Variants in MKS1 observed in about 807,000 individuals in gnomAD.
MKS1 encodes tectonic-like complex member MKS1.
A neutral mutation model predicts 83.7 loss-of-function variants in MKS1; 70 were observed. That is an observed-to-expected ratio of 0.84 (90% confidence interval 0.69 to 1.02). The LOEUF (loss-of-function observed/expected upper bound fraction) is 1.02, where lower values mean the gene tolerates loss of function less well. MKS1 is among the 50% of genes least tolerant of loss of function. The pLI is 0.00. For missense variants in MKS1, 681 were observed against 726.9 expected, an observed-to-expected ratio of 0.94 and a Z score of 0.73; for synonymous variants, 251 against 273.4, an observed-to-expected ratio of 0.92 and a Z score of 0.81.
chr17:58,205,982 C>A lies in MKS1; in HGVS notation c.*97G>T, dbSNP rs550885201. 2 of 1,540,446 alleles carry A rather than the reference C, an allele frequency of 1.3e-6. No homozygotes were observed. The highest frequency in any genetic ancestry group is 1.7e-6 in the Non-Finnish European group (2 of 1,146,122). On this transcript the variant is annotated 3_prime_UTR_variant, in exon 18 of 18. Transcript: ENST00000393119. ...GCTTTTCTGGTTCTCAGCAGACCAA[C>A]GTGGTCTCTAATCAGAAAGACGAAG... is the stretch of plus-strand genomic sequence containing the variant.
Position 58,205,864 on chromosome 17 carries a change from AGGG to A in MKS1, c.*212_*214del, listed in dbSNP as rs1031066249. 7.0e-7 allele frequency: 1 copy of A among 1,434,998 alleles called. No homozygotes were observed. The highest frequency in any genetic ancestry group is 9.2e-7 in the Non-Finnish European group (1 of 1,090,960). 88.9% of individuals were successfully genotyped at this position (1,434,998 alleles called of 1,614,324 possible). A position where few individuals can be genotyped will look rare whatever the true frequency, so the allele number is the denominator to read the frequency against. ...CCATTGACAGTGGCTGCAAATATAA[AGGG>A]GGGGCCACAGGGTCTCTGGCTTTAT... On this transcript the variant is annotated 3_prime_UTR_variant, in exon 18 of 18. Transcript: ENST00000393119.
intron 4 of MKS1, chr17:58,215,839 A>T (rs1465518167): frequency 2.0e-6 from 1 of 504,370 alleles, no homozygotes; most frequent in Non-Finnish European, 3.6e-6. Flanking sequence ...CTCTGCAAGC[A>T]TATAATCAGA....
chr17:58,215,728 C>T (rs888053735), intron 4 of MKS1: 1 of 309,252 alleles, frequency 3.2e-6, no homozygotes. Context: ...GGGCTGAATC[C>T]CCTGATGAAT....
rs749099410 is a variant in MKS1 at position 58,207,907 on chromosome 17, C to T, written c.1260G>A (p.Leu420=). Residue 420 remains leucine, a synonymous_variant, in exon 14 of 18, where the codon CTG becomes CTA. Coordinates refer to ENST00000393119, the MANE Select transcript of MKS1 (RefSeq NM_017777.4). The part of the protein sequence containing the change: ...YRVEGYGAVV[L]PATPGSHTLT... ...ACGAGCGGTTACCTGGAGTGGCAGG[C>T]AGCACCACAGCCCCATAGCCTTCCA... The T allele has an allele frequency of 1.2e-4, 200 of 1,613,312 alleles. No individual in the cohort carries two copies. Among genetic ancestry groups the T allele is most frequent in the Non-Finnish European group, 1.7e-4 (196 of 1,179,850 alleles).
intron 15 of MKS1, chr17:58,206,872 A>G: frequency 1.5e-6 from 1 of 674,492 alleles, no homozygotes; most frequent in Non-Finnish European, 2.5e-6. Context: ...GAAATCTCTA[A>G]TTATACTATT....
rs1567792651 is a variant in MKS1 at position 58,205,542 on chromosome 17, C to T, written c.*537G>A. ...GCTAGCAGAAAGGACTCAGCACTGC[C>T]TTCAGCCTTCACTTACTCAGAAATA... On this transcript the variant is annotated 3_prime_UTR_variant, in exon 18 of 18. Coordinates refer to ENST00000393119, the MANE Select transcript of MKS1 (RefSeq NM_017777.4). 3 of 1,304,448 alleles carry T rather than the reference C, an allele frequency of 2.3e-6. No homozygotes were observed. Among genetic ancestry groups the T allele is most frequent in the Non-Finnish European group, 3.0e-6 (3 of 989,110 alleles). 80.8% of individuals were successfully genotyped at this position (1,304,448 alleles called of 1,614,324 possible).
chr17:58,215,838 C>T, intron 4 of MKS1: 1 of 501,362 alleles, frequency 2.0e-6, no homozygotes, highest in South Asian at 2.0e-5. Context: ...ACTCTGCAAG[C>T]ATATAATCAG....
chr17:58,206,437 C>T (rs771972684), intron 16 of MKS1, 28 bp downstream of exon 16: 2 of 1,614,042 alleles, frequency 1.2e-6, no homozygotes, highest in East Asian at 2.2e-5. Flanking sequence ...GGCTAAGGTG[C>T]CCTGAGGCAG....
intron 6 of MKS1, 130 bp downstream of exon 6, chr17:58,214,129 T>C: frequency 7.2e-7 from 1 of 1,388,574 alleles, no homozygotes; most frequent in South Asian, 1.2e-5. Flanking sequence ...GCTTCACTCA[T>C]AACTAAGAAG....
At position 58,205,507 on chromosome 17, in the gene MKS1, A is replaced by G. The variant is rs879402131; in HGVS notation, c.*572T>C. 4 of 1,281,160 alleles carry G rather than the reference A, an allele frequency of 3.1e-6. No homozygotes were observed. Among genetic ancestry groups the G allele is most frequent in the Non-Finnish European group, 4.1e-6 (4 of 980,860 alleles). The allele number at this position is 1,281,160 out of a possible 1,614,324, so 79.4% of individuals were successfully genotyped here. The stretch of plus-strand genomic sequence containing the variant: ...AACAAACAAAAAAACACAGTAAAAG[A>G]TACCACCCAGCTAGCAGAAAGGACT... On this transcript the variant is annotated 3_prime_UTR_variant, in exon 18 of 18. Transcript: ENST00000393119.
At position 58,219,155 on chromosome 17, in the gene MKS1, G is replaced by A. The variant is rs901426602; in HGVS notation, c.76C>T (p.Leu26Phe). Residue 26 changes from leucine to phenylalanine, a missense_variant, in exon 1 of 18, where the codon CTC (leucine) becomes TTC (phenylalanine). Physicochemically the swap from Leu to Phe is conservative, Grantham distance 22. Coordinates refer to ENST00000393119, the MANE Select transcript of MKS1 (RefSeq NM_017777.4). ...RSRDPVRNLRLRVHLQRITSS... is the reference protein window; with the variant it reads ...RSRDPVRNLRFRVHLQRITSS... ...GGGCTGGGGCGGTGCGACTACCGGA[G>A]GCGCAAGTTGCGCACGGGGTCCCGG... is the stretch of plus-strand genomic sequence containing the variant. The A allele has an allele frequency of 1.3e-6, 2 of 1,551,240 alleles. No homozygotes were observed. Among genetic ancestry groups the A allele is most frequent in the Non-Finnish European group, 1.7e-6 (2 of 1,147,010 alleles).
intron 11 of MKS1, 106 bp from the exon 12 acceptor site, chr17:58,208,689 A>G (rs556195328): frequency 9.2e-7 from 1 of 1,082,668 alleles, no homozygotes; most frequent in African/African-American, 1.6e-5. Context: ...GTATTTATTG[A>G]TCATTCTTGG....
At chr17:58,217,667 A>G (rs1969298001) in intron 2 of MKS1, among the ~76,000 whole-genome samples, 1 of 152,048 alleles carries the variant, frequency 6.6e-6, no homozygotes, top group Non-Finnish European at 1.5e-5. Flanking sequence ...AAAAAAATAA[A>G]CTGAGTGTGA....
At chr17:58,218,104 A>G (rs1050640598) in intron 2 of MKS1, among the ~76,000 whole-genome samples, 5 of 152,190 alleles carry the variant, frequency 3.3e-5, no homozygotes, top group African/African-American at 1.2e-4. Context: ...ATTGTTTTTA[A>G]AAGTGTTTAT....
In MKS1 at chr17:58,209,834, G is replaced by A. The variant is rs1430040677; in HGVS notation, c.1024+825C>T. 6.6e-6 allele frequency among the ~76,000 whole-genome samples: 1 copy of A among 152,180 alleles called. No individual in the cohort carries two copies. Among genetic ancestry groups the A allele is most frequent in the Non-Finnish European group, 1.5e-5 (1 of 68,038 alleles). ...GCTTTGGTGTCTGTGGCAAATCAAC[G>A]GCAAATGGGAGCAAGGCAGGAAGCA... On this transcript the variant is annotated intron_variant, in intron 11 of 17. Transcript: ENST00000393119. The surrounding 1 kb of genome is among the most constrained non-coding windows in gnomAD (Gnocchi z 4.1).
intron 3 of MKS1, 147 bp downstream of exon 3, chr17:58,216,519 C>A: frequency 1.0e-6 from 1 of 957,194 alleles, no homozygotes; most frequent in Non-Finnish European, 1.6e-6. Flanking sequence ...TAGTGGCAAT[C>A]CCTATGTTAC....
intron 8 of MKS1, among the ~76,000 whole-genome samples, 162 bp from the exon 9 acceptor site, chr17:58,212,596 G>A (rs1968939140): frequency 6.6e-6 from 1 of 152,236 alleles, no homozygotes; most frequent in African/African-American, 2.4e-5. Flanking sequence ...AGGCCCTGGA[G>A]TCAGCTGGTC....
intron 6 of MKS1, among the ~76,000 whole-genome samples, 176 bp downstream of exon 6, chr17:58,214,080 AGAG>A (rs1479851929): frequency 6.6e-6 from 1 of 152,166 alleles, no homozygotes; most frequent in Non-Finnish European, 1.5e-5. Flanking sequence ...ATAGCTGGTG[AGAG>A]GAGAAGAAGA....
In MKS1 at chr17:58,206,181, A is replaced by C. The variant is rs777988877; in HGVS notation, c.1589-11T>G. 6.2e-7 allele frequency: 1 copy of C among 1,614,072 alleles called. No individual in the cohort carries two copies. On this transcript the variant is annotated splice_polypyrimidine_tract_variant and intron_variant, in intron 17 of 17. Coordinates refer to ENST00000393119, the MANE Select transcript of MKS1 (RefSeq NM_017777.4). ...CTCGACGGAAGGCCTCTGTAAGGAA[A>C]GGAGATATGCTATTTGGCTGCCATA... is the stretch of plus-strand genomic sequence containing the variant.
Sources: gnomAD v4.1 joint callset for allele counts (sites outside exome capture counted in the v4.1 genomes callset) on GRCh38, gnomAD v4.1.1 for gene constraint, Gnocchi (gnomAD v3.1) non-coding constraint, MANE v1.5 for transcripts, NCBI Gene and HGNC (gene_info 2026-07-23, HGNC 2026-07-21) for gene names.